Variants in CDH4 observed in about 807,000 individuals in gnomAD.
CDH4 encodes the protein cadherin 4.
A neutral mutation model predicts 86.0 loss-of-function variants in CDH4; 33 were observed. The observed-to-expected ratio is 0.38, with a 90% CI of 0.29 to 0.51. CDH4 has a LOEUF of 0.51. Ranked by LOEUF, CDH4 falls within the 20% of genes least tolerant of loss-of-function variation. The pLI is 0.86. For synonymous variants in CDH4, 555 were observed against 549.4 expected (o/e 1.01, Z -0.14); for missense variants, 1,114 against 1,307.4 (o/e 0.85, Z 2.28).
intron 2 of CDH4, among the ~76,000 whole-genome samples, chr20:61,514,852 T>C (rs1198137875): frequency 6.6e-6 from 1 of 152,224 alleles, no homozygotes; most frequent in Non-Finnish European, 1.5e-5. Context: ...TAGAAGGTCA[T>C]CACTGTAATG....
chr20:61,294,517 G>A lies in CDH4; in HGVS notation c.169+39580G>A, dbSNP rs945410550. Among the ~76,000 whole-genome samples the A allele has an allele frequency of 2.6e-5, 4 of 152,222 alleles. No individual in the cohort carries two copies. In the South Asian group the frequency reaches 8.3e-4, roughly 31 times the overall value. ...TCCACCCTATGCCCCTTTAATGGAC[G>A]GCTGAGTGGCCCGGAAAGGCTGCAG... On this transcript the variant is annotated intron_variant, in intron 2 of 15. Transcript: ENST00000614565.
At chr20:61,334,800 G>A (rs4812309) in intron 2 of CDH4, among the ~76,000 whole-genome samples, 84,400 of 152,096 alleles carry the variant, frequency 0.55, 23,464 homozygotes, top group East Asian at 0.68. Flanking sequence ...CAGTCTGTGA[G>A]GGTCATTGGC....
intron 2 of CDH4, among the ~76,000 whole-genome samples, chr20:61,346,685 A>C (rs1471738624): frequency 6.6e-6 from 1 of 151,612 alleles, no homozygotes; most frequent in East Asian, 2.0e-4. Context: ...CGGAGGTTTC[A>C]GTGAGCTGAG....
chr20:61,487,609 C>T (rs2085603623), intron 2 of CDH4, among the ~76,000 whole-genome samples: 1 of 152,280 alleles, frequency 6.6e-6, no homozygotes, highest in Non-Finnish European at 1.5e-5. Flanking sequence ...CCCCATTCCT[C>T]CCTGAACAAG....
chr20:61,839,611 GTGTT>G (rs201360678), intron 4 of CDH4, among the ~76,000 whole-genome samples: 2,779 of 151,906 alleles, frequency 0.018, 71 homozygotes, highest in African/African-American at 0.06. Flanking sequence ...TGTATGTTGT[GTGTT>G]TGTGTACTGT....
intron 2 of CDH4, among the ~76,000 whole-genome samples, chr20:61,337,787 C>T (rs187528003): frequency 6.6e-5 from 10 of 152,178 alleles, no homozygotes; most frequent in African/African-American, 2.4e-4. Context: ...AGTATGTGTG[C>T]TTTATTCTAC....
intron 2 of CDH4, among the ~76,000 whole-genome samples, chr20:61,343,404 A>G (rs1600884278): frequency 6.6e-6 from 1 of 152,388 alleles, no homozygotes; most frequent in Middle Eastern, 3.4e-3. Context: ...AACAATATTT[A>G]ACTAGAATTC....
chr20:61,813,254 G>C (rs930914077), intron 4 of CDH4, among the ~76,000 whole-genome samples: 11 of 152,174 alleles, frequency 7.2e-5, no homozygotes, highest in African/African-American at 2.6e-4. Flanking sequence ...CCCCAGCTTC[G>C]GGCCGGGATC....
At chr20:61,724,930 G>A (rs2145917884) in intron 2 of CDH4, among the ~76,000 whole-genome samples, 1 of 152,206 alleles carries the variant, frequency 6.6e-6, no homozygotes, top group South Asian at 2.1e-4. Flanking sequence ...GGGCAACATA[G>A]CATGGCCCCA....
chr20:61,464,386 A>G (rs1027804113), intron 2 of CDH4, among the ~76,000 whole-genome samples: 3 of 152,168 alleles, frequency 2.0e-5, no homozygotes, highest in Admixed American at 6.5e-5. Flanking sequence ...CTAGGCTATG[A>G]CTGGGTGGTA....
At position 61,559,334 on chromosome 20, in the gene CDH4, T is replaced by A. The variant is rs563821476; in HGVS notation, c.170-184229T>A. On this transcript the variant is annotated intron_variant, in intron 2 of 15. Coordinates refer to ENST00000614565, the MANE Select transcript of CDH4 (RefSeq NM_001794.5). The stretch of plus-strand genomic sequence containing the variant: ...CTCCATCTCAAAAAGAAGAAAAAAA[T>A]TTTTAAAAAGTATTGCTGCTCGTTG... 4.0e-5 allele frequency among the ~76,000 whole-genome samples: 6 copies of A among 151,604 alleles called. No homozygotes were observed. The East Asian group carries it at 5.9e-4, about 15-fold the overall frequency.
intron 2 of CDH4, among the ~76,000 whole-genome samples, chr20:61,571,130 C>T (rs2086338920): frequency 2.0e-5 from 3 of 152,254 alleles, no homozygotes; most frequent in South Asian, 4.1e-4. Flanking sequence ...GTGAATAACC[C>T]GCCTGCAGGG....
chr20:61,703,032 T>C lies in CDH4; in HGVS notation c.170-40531T>C, dbSNP rs900422259. Among the ~76,000 whole-genome samples, 1 of 152,184 alleles carries C rather than the reference T, an allele frequency of 6.6e-6. No homozygotes were observed. Among genetic ancestry groups the C allele is most frequent in the Non-Finnish European group, 1.5e-5 (1 of 68,042 alleles). On this transcript the variant is annotated intron_variant, in intron 2 of 15. Coordinates refer to ENST00000614565, the MANE Select transcript of CDH4 (RefSeq NM_001794.5). The surrounding 1 kb of genome is among the most constrained non-coding windows in gnomAD (Gnocchi z 4.3). Reference sequence around the variant, plus strand: ...TTTCTTCATCTCACTCTGCGTGCCGTGGTCAGTGCCATGTTTTCGGGTAGA... The same window carrying C: ...TTTCTTCATCTCACTCTGCGTGCCGCGGTCAGTGCCATGTTTTCGGGTAGA...
chr20:61,354,494 T>C (rs1047140606), intron 2 of CDH4, among the ~76,000 whole-genome samples: 4 of 152,252 alleles, frequency 2.6e-5, no homozygotes, highest in African/African-American at 9.6e-5. Context: ...TGGCTGTTGC[T>C]GCTGCTGTTG....
intron 4 of CDH4, among the ~76,000 whole-genome samples, chr20:61,787,254 G>GTAAT (rs1165398664): frequency 6.6e-6 from 1 of 152,182 alleles, no homozygotes; most frequent in Non-Finnish European, 1.5e-5. Context: ...CCAAGACTGG[G>GTAAT]TAATTTATAA....
At chr20:61,720,694 G>A (rs947511421) in intron 2 of CDH4, among the ~76,000 whole-genome samples, 1 of 151,998 alleles carries the variant, frequency 6.6e-6, no homozygotes, top group Non-Finnish European at 1.5e-5. Context: ...TCTCTCCAGC[G>A]TGATTTTCTG....
chr20:61,581,075 T>C (rs1174476390), intron 2 of CDH4, among the ~76,000 whole-genome samples: 3 of 152,170 alleles, frequency 2.0e-5, no homozygotes, highest in Admixed American at 2.0e-4. Flanking sequence ...CTCTGTGTGC[T>C]GTAGGCAGGG....
At chr20:61,821,026 G>A (rs13040020) in intron 4 of CDH4, among the ~76,000 whole-genome samples, 60,848 of 149,392 alleles carry the variant, frequency 0.41, 15,368 homozygotes, top group Non-Finnish European at 0.57. Flanking sequence ...GGCAGTTCCC[G>A]CTACCCCCCG....
chr20:61,420,796 A>C (rs2085173424), intron 2 of CDH4, among the ~76,000 whole-genome samples: 1 of 152,234 alleles, frequency 6.6e-6, no homozygotes, highest in Non-Finnish European at 1.5e-5. Flanking sequence ...TGCACAGAGC[A>C]CTGGTGAACA....
Sources: gnomAD v4.1 joint callset for allele counts (sites outside exome capture counted in the v4.1 genomes callset) on GRCh38, gnomAD v4.1.1 for gene constraint, Gnocchi (gnomAD v3.1) non-coding constraint, MANE v1.5 for transcripts, NCBI Gene and HGNC (gene_info 2026-07-23, HGNC 2026-07-21) for gene names.